The following SUPT16H variants were observed in gnomAD, a reference collection of about 807,000 sequenced individuals.
SUPT16H encodes FACT complex subunit SPT16.
A neutral mutation model predicts 136.2 loss-of-function variants in SUPT16H; 24 were observed. The ratio of observed to expected loss-of-function variants is 0.18; its 90% CI spans 0.13 to 0.25. The LOEUF (loss-of-function observed/expected upper bound fraction) is 0.25, where lower values mean the gene tolerates loss of function less well. Ranked by LOEUF, SUPT16H falls within the 10% of genes least tolerant of loss-of-function variation. The pLI, the probability that SUPT16H is intolerant of heterozygous loss-of-function variation, is 1.00. For missense variants in SUPT16H, 623 were observed against 1,270.2 expected (o/e 0.49, Z 7.74); for synonymous variants, 415 against 428.2 (o/e 0.97, Z 0.38).
At chr14:21,356,809 G>T (rs951115328) in intron 22 of SUPT16H, among the ~76,000 whole-genome samples, 1 of 152,166 alleles carries the variant, frequency 6.6e-6, no homozygotes, top group Admixed American at 6.5e-5. Context: ...GAGCAGAAAA[G>T]GATGCTTCAA....
At chr14:21,375,934 T>TCTGCCTAATTCAAG (rs1886892650) in intron 1 of SUPT16H, among the ~76,000 whole-genome samples, 3 of 152,346 alleles carry the variant, frequency 2.0e-5, no homozygotes, top group Admixed American at 6.5e-5. Flanking sequence ...CTAAGAAGGT[T>TCTGCCTAATTCAAG]CTGCCTAATT....
rs1398232340 is a variant in SUPT16H, at chr14:21,352,812, C to T, written c.3005G>A (p.Arg1002Gln). Residue 1002 changes from arginine to glutamine, a missense_variant, in exon 26 of 26, where the codon CGA becomes CAA. Transcript: ENST00000216297. Reference protein sequence around the residue: ...ELEEEARKADRESRYEEEEEQ... With the variant: ...ELEEEARKADQESRYEEEEEQ... ...TTCTTCTTCCTCGTAACGACTTTCT[C>T]GGTCCGCTAAATAGAAGAGGCATTA... The T allele has an allele frequency of 3.7e-6, 6 of 1,613,976 alleles. No homozygotes were observed. The highest frequency in any genetic ancestry group is 2.2e-5 in the East Asian group (1 of 44,882).
rs1219751593 is a variant in SUPT16H at position 21,359,589 on chromosome 14, C to T, written c.2196G>A (p.Lys732=). 2 of 1,613,658 alleles carry T rather than the reference C, an allele frequency of 1.2e-6. No individual in the cohort carries two copies. Among genetic ancestry groups the T allele is most frequent in the Non-Finnish European group, 1.7e-6 (2 of 1,179,920 alleles). ...FHLKNAIMFG[K]KRHTDVQFYT... is the part of the protein sequence containing the mutation. Reference sequence around the variant, plus strand: ...AGAACTGCACATCCGTGTGCCGCTTCTTCCCAAACATGATGGCATTCTGTC... The same window carrying T: ...AGAACTGCACATCCGTGTGCCGCTTTTTCCCAAACATGATGGCATTCTGTC... The change falls in exon 19 of 26, where the codon AAG becomes AAA. Residue 732 remains lysine, a synonymous_variant. Coordinates refer to ENST00000216297, the MANE Select transcript of SUPT16H (RefSeq NM_007192.4).
intron 15 of SUPT16H, 54 bp downstream of exon 15, chr14:21,362,141 TGA>T (rs1354132149): frequency 6.4e-7 from 1 of 1,559,200 alleles, no homozygotes; most frequent in Non-Finnish European, 8.7e-7. Context: ...GAAATGTTTC[TGA>T]GAGTACCACT....
intron 1 of SUPT16H, chr14:21,383,470 G>A: frequency 3.6e-6 from 2 of 561,842 alleles, no homozygotes. Flanking sequence ...TAATCCTGGC[G>A]GGACCAGGGG....
At chr14:21,376,428 G>A (rs1164254971) in intron 1 of SUPT16H, among the ~76,000 whole-genome samples, 1 of 151,986 alleles carries the variant, frequency 6.6e-6, no homozygotes, top group Non-Finnish European at 1.5e-5. Flanking sequence ...ACATTTTTAA[G>A]GCTTCTGCTT....
In SUPT16H at chr14:21,366,470, C is replaced by G; in HGVS notation, c.1015G>C (p.Glu339Gln). 1 of 1,614,072 alleles carries G rather than the reference C, an allele frequency of 6.2e-7. No individual in the cohort carries two copies. The highest frequency in any genetic ancestry group is 8.5e-7 in the Non-Finnish European group (1 of 1,179,998). The stretch of plus-strand genomic sequence containing the variant: ...TTTTTGGTAATTTTGTTCAGCAGTT[C>G]TGGCTTCTGCTTTTTAACCACGTCC... The part of the protein sequence containing the change: ...VMDVVKKQKP[E>Q]LLNKITKNLG... Residue 339 changes from glutamate to glutamine, a missense_variant, in exon 8 of 26, where the codon GAA (glutamate) becomes CAA (glutamine). Around this residue, in one of 7 missense-constraint regions of SUPT16H, gnomAD observed 343 missense variants for 525.7 expected, o/e 0.65. Coordinates refer to ENST00000216297, the MANE Select transcript of SUPT16H (RefSeq NM_007192.4).
intron 15 of SUPT16H, 26 bp downstream of exon 15, chr14:21,362,171 G>C (rs1822886194): frequency 6.2e-7 from 1 of 1,607,976 alleles, no homozygotes; most frequent in African/African-American, 1.3e-5. Flanking sequence ...AGATGAATCT[G>C]GGTATGACTT....
intron 2 of SUPT16H, chr14:21,372,511 C>T: frequency 3.1e-6 from 1 of 319,650 alleles, no homozygotes; most frequent in African/African-American, 2.2e-5. Flanking sequence ...AAATTTTGGC[C>T]AATAGGTAAA....
intron 4 of SUPT16H, 85 bp from the exon 5 acceptor site, chr14:21,369,981 GAT>G: frequency 6.8e-7 from 1 of 1,468,982 alleles, no homozygotes; most frequent in Non-Finnish European, 9.4e-7. Flanking sequence ...TATTACCAGT[GAT>G]ATTTCTGTTA....
chr14:21,356,017 C>A (rs1307301927), intron 22 of SUPT16H, among the ~76,000 whole-genome samples: 1 of 152,206 alleles, frequency 6.6e-6, no homozygotes, highest in Non-Finnish European at 1.5e-5. Flanking sequence ...GTTAATTGAA[C>A]ATTTGCCCCA....
Position 21,360,536 on chromosome 14 carries a change from G to T in SUPT16H, c.2057-3C>A. 1 of 1,605,230 alleles carries T rather than the reference G, an allele frequency of 6.2e-7. No homozygotes were observed. Among genetic ancestry groups the T allele is most frequent in the South Asian group, 1.1e-5 (1 of 90,176 alleles). On this transcript the variant is annotated splice_region_variant and splice_polypyrimidine_tract_variant and intron_variant, in intron 17 of 25. Coordinates refer to ENST00000216297, the MANE Select transcript of SUPT16H (RefSeq NM_007192.4). Reference sequence around the variant, plus strand: ...TCGAACAGATGTGAAGCGGAAGCCTGGGGAAAAGAATGAAGAAATGTCAAG... The same window carrying T: ...TCGAACAGATGTGAAGCGGAAGCCTTGGGAAAAGAATGAAGAAATGTCAAG...
At chr14:21,369,162 C>T (rs915999556) in intron 6 of SUPT16H, 42 bp downstream of exon 6, 5 of 1,572,532 alleles carry the variant, frequency 3.2e-6, no homozygotes, top group Non-Finnish European at 4.3e-6. Context: ...AAAAAATAGG[C>T]TAAAGTCAAA....
Position 21,351,761 on chromosome 14 carries a change from A to AT in SUPT16H, c.*911dup, listed in dbSNP as rs1447436382. 4.6e-5 allele frequency: 7 copies of AT among 153,106 alleles called. No individual in the cohort carries two copies. Among genetic ancestry groups the AT allele is most frequent in the African/African-American group, 1.4e-4 (6 of 41,582 alleles). The allele number at this position is 153,106 out of a possible 1,614,324, so 9.5% of individuals were successfully genotyped here. A position where few individuals can be genotyped will look rare whatever the true frequency, so the allele number is the denominator to read the frequency against. Reference sequence around the variant, plus strand: ...CAGGACAATGCAAGACAAAGTTAAAATAAGGAGCAGCAGTGCCGAGAGGCT... The same window carrying AT: ...CAGGACAATGCAAGACAAAGTTAAAATTAAGGAGCAGCAGTGCCGAGAGGCT... On this transcript the variant is annotated 3_prime_UTR_variant, in exon 26 of 26. Transcript: ENST00000216297.
At chr14:21,381,813 G>T (rs1474101395) in intron 1 of SUPT16H, among the ~76,000 whole-genome samples, 15 of 150,700 alleles carry the variant, frequency 1.0e-4, no homozygotes, top group African/African-American at 3.4e-4. Context: ...AGAGACGGGG[G>T]TCTCATCATC....
chr14:21,379,714 C>CAAT (rs144376328), intron 1 of SUPT16H, among the ~76,000 whole-genome samples: 5 of 151,586 alleles, frequency 3.3e-5, no homozygotes, highest in African/African-American at 1.2e-4. Flanking sequence ...AAATAAATAA[C>CAAT]AATAATAATA....
At chr14:21,368,490 G>A in intron 6 of SUPT16H, 49 bp from the exon 7 acceptor site, 1 of 1,551,308 alleles carries the variant, frequency 6.4e-7, no homozygotes, top group Non-Finnish European at 8.7e-7. Context: ...AACTAGCAAA[G>A]TCCTTGGTAT....
chr14:21,361,675 C>T (rs937694681), intron 15 of SUPT16H, among the ~76,000 whole-genome samples: 19 of 152,164 alleles, frequency 1.2e-4, no homozygotes, highest in African/African-American at 3.9e-4. Context: ...TCCCATTTCA[C>T]ACCATGAAAT....
rs1187998838 is a variant in SUPT16H at position 21,383,985 on chromosome 14, C to T, written c.-58G>A. 9 of 1,601,808 alleles carry T rather than the reference C, an allele frequency of 5.6e-6. No homozygotes were observed. Among genetic ancestry groups the T allele is most frequent in the East Asian group, 2.2e-5 (1 of 44,840 alleles). On this transcript the variant is annotated 5_prime_UTR_variant, in exon 1 of 26. Transcript: ENST00000216297. ...GAATCACGCGAGGTCCCGGCTCAGC[C>T]ACCCGCTCTCGGCCCAGGAATCCCG... is the stretch of plus-strand genomic sequence containing the variant.
Sources: allele counts gnomAD v4.1 joint callset (sites outside exome capture counted in the v4.1 genomes callset), GRCh38; gene constraint gnomAD v4.1.1; regional missense constraint gnomAD v4.1.1; transcripts MANE v1.5; gene names NCBI Gene and HGNC (gene_info 2026-07-23, HGNC 2026-07-21).